MTAP: variants seen among roughly 807,000 people sequenced by gnomAD.
The protein encoded by MTAP is methylthioadenosine phosphorylase, also known as S-methyl-5'-thioadenosine phosphorylase.
MTAP carries 33 observed loss-of-function variants against 33.6 expected under a neutral mutation model. That is an observed-to-expected ratio of 0.98 (90% CI 0.74 to 1.31). The LOEUF is 1.31. MTAP is among the 40% of genes most tolerant of loss of function. The pLI, the probability that MTAP is intolerant of heterozygous loss-of-function variation, is 0.00. For missense variants in MTAP, 367 were observed against 360.0 expected (o/e 1.02, Z -0.16); for synonymous variants, 148 against 125.7 (o/e 1.18, Z -1.19).
intron 1 of MTAP, 98 bp downstream of exon 1, chr9:21,802,879 C>G (rs771735380): frequency 3.3e-6 from 5 of 1,523,736 alleles, no homozygotes; most frequent in African/African-American, 2.8e-5. Context: ...GCGCCCGGCC[C>G]GTGCGTCCCT....
intron 5 of MTAP, among the ~76,000 whole-genome samples, chr9:21,845,780 A>G (rs1825365265): frequency 6.6e-6 from 1 of 152,114 alleles, no homozygotes; most frequent in African/African-American, 2.4e-5. Flanking sequence ...AATTTATGTG[A>G]GACCAAAAAA....
chr9:21,842,684 A>G (rs530111881), intron 5 of MTAP, among the ~76,000 whole-genome samples: 1 of 152,340 alleles, frequency 6.6e-6, no homozygotes, highest in Admixed American at 6.5e-5. Context: ...AAGGAGAGAT[A>G]GTCTTTTTCA....
intron 1 of MTAP, among the ~76,000 whole-genome samples, chr9:21,925,606 C>T (rs1818857170): frequency 6.6e-6 from 1 of 152,230 alleles, no homozygotes; most frequent in Non-Finnish European, 1.5e-5. Flanking sequence ...AGACAAACTG[C>T]CGCAGTGGGA....
In MTAP at chr9:21,874,054, C is replaced by T. The variant is rs978868568; in HGVS notation, c.147+19184C>T. Among the ~76,000 whole-genome samples the T allele has an allele frequency of 2.0e-5, 3 of 152,268 alleles. No individual in the cohort carries two copies. In the South Asian group the frequency reaches 6.2e-4, roughly 32 times the overall value. On this transcript the variant is annotated intron_variant, in intron 1 of 1. Transcript: ENST00000577563. ...AATGTGATGATGTGTTCATTAGCTGCTCTGTTTGACCTCACTTTAGTTTAC... is the reference window on the plus strand; with the variant it reads ...AATGTGATGATGTGTTCATTAGCTGTTCTGTTTGACCTCACTTTAGTTTAC...
chr9:21,891,300 GA>G (rs368451076), intron 1 of MTAP, among the ~76,000 whole-genome samples: 5 of 152,088 alleles, frequency 3.3e-5, no homozygotes, highest in Non-Finnish European at 7.4e-5. Context: ...TGAAATGGCT[GA>G]AATGACAAAC....
intron 1 of MTAP, among the ~76,000 whole-genome samples, chr9:21,884,650 C>T (rs1432190754): frequency 6.6e-6 from 1 of 152,104 alleles, no homozygotes; most frequent in Non-Finnish European, 1.5e-5. Context: ...CTCACATGGC[C>T]GCTAGTGAAC....
intron 5 of MTAP, among the ~76,000 whole-genome samples, chr9:21,853,873 CT>C (rs575632505): frequency 1.9e-4 from 29 of 151,892 alleles, no homozygotes; most frequent in African/African-American, 4.6e-4. Flanking sequence ...GTTGAAAAGA[CT>C]TTTTTTTAAT....
Position 21,854,688 on chromosome 9 carries a change from G to A in MTAP, c.508G>A (p.Val170Ile). Reference protein sequence around the residue: ...GLRCHSKGTMVTIEGPRFSSR... With the variant: ...GLRCHSKGTMITIEGPRFSSR... ...CCGGTGCCACTCAAAGGGGACAATG[G>A]TCACAATCGAGGGACCTCGTTTTAG... The change falls in exon 6 of 8, where the codon GTC (valine) becomes ATC (isoleucine). Residue 170 changes from valine to isoleucine, a missense_variant. Physicochemically the swap from Val to Ile is conservative, Grantham distance 29. Transcript: ENST00000644715. 1 of 1,613,794 alleles carries A rather than the reference G, an allele frequency of 6.2e-7. No individual in the cohort carries two copies. Among genetic ancestry groups the A allele is most frequent in the South Asian group, 1.1e-5 (1 of 91,038 alleles).
rs1438539793 is a variant in MTAP, at chr9:21,816,778, G to C, written c.179+6G>C. ...GATTGCGTCCTCCTTGCAAGGTATGGTATTTTAAGCTTTTTGGATGTTACT... is the reference window on the plus strand; with the variant it reads ...GATTGCGTCCTCCTTGCAAGGTATGCTATTTTAAGCTTTTTGGATGTTACT... On this transcript the variant is annotated splice_donor_region_variant and intron_variant, in intron 3 of 7. Transcript: ENST00000644715. 6.2e-7 allele frequency: 1 copy of C among 1,606,552 alleles called. No homozygotes were observed. The highest frequency in any genetic ancestry group is 8.5e-7 in the Non-Finnish European group (1 of 1,176,672).
chr9:21,842,644 T>C (rs1451754669), intron 5 of MTAP, among the ~76,000 whole-genome samples: 1 of 152,216 alleles, frequency 6.6e-6, no homozygotes, highest in African/African-American at 2.4e-5. Flanking sequence ...CCAAGAATTT[T>C]GTATCCAGTA....
At chr9:21,847,402 G>A (rs1825409816) in intron 5 of MTAP, among the ~76,000 whole-genome samples, 1 of 152,176 alleles carries the variant, frequency 6.6e-6, no homozygotes, top group Admixed American at 6.5e-5. Context: ...GAGGTTTCTG[G>A]AGTTGACTGC....
At chr9:21,890,664 C>G (rs1266405540) in intron 1 of MTAP, among the ~76,000 whole-genome samples, 2 of 152,104 alleles carry the variant, frequency 1.3e-5, no homozygotes, top group African/African-American at 4.8e-5. Flanking sequence ...TTGCTGGGCT[C>G]TCTAAATTCA....
intron 1 of MTAP, 21 bp from the exon 2 acceptor site, chr9:21,815,410 TTC>T: frequency 6.8e-7 from 1 of 1,477,226 alleles, no homozygotes; most frequent in Non-Finnish European, 9.3e-7. Flanking sequence ...TACAATAATC[TTC>T]TCTGTCTTTT....
intron 5 of MTAP, among the ~76,000 whole-genome samples, chr9:21,850,079 A>G (rs1223033442): frequency 1.3e-5 from 2 of 152,212 alleles, no homozygotes; most frequent in African/African-American, 2.4e-5. Flanking sequence ...CTCCCACAAG[A>G]TATCACAATG....
In MTAP at chr9:21,857,739, T is replaced by G. The variant is rs118136736; in HGVS notation, c.691-1564T>G. Among the ~76,000 whole-genome samples, 889 of 152,330 alleles carry G rather than the reference T, an allele frequency of 5.8e-3. 20 individuals are homozygous for G. The highest frequency in any genetic ancestry group is 0.056 in the East Asian group (293 of 5,196). On this transcript the variant is annotated intron_variant, in intron 6 of 7. Transcript: ENST00000644715. ...TCAGGAGGTATCTAACATGAGCACATTATCATTTTCATTCTCCAATAATAA... is the reference window on the plus strand; with the variant it reads ...TCAGGAGGTATCTAACATGAGCACAGTATCATTTTCATTCTCCAATAATAA...
At chr9:21,856,488 C>T (rs1473368215) in intron 6 of MTAP, among the ~76,000 whole-genome samples, 2 of 152,170 alleles carry the variant, frequency 1.3e-5, no homozygotes, top group African/African-American at 4.8e-5. Flanking sequence ...AACTCAGCCT[C>T]GTAATGTCAA....
intron 4 of MTAP, among the ~76,000 whole-genome samples, chr9:21,832,099 T>G (rs528992537): frequency 1.3e-5 from 2 of 152,352 alleles, no homozygotes; most frequent in East Asian, 3.9e-4. Flanking sequence ...CTTCAGATTA[T>G]TTCTTCAACT....
rs1342153156 is a variant in MTAP at position 21,805,895 on chromosome 9, A to G, written c.33+3114A>G. On this transcript the variant is annotated intron_variant, in intron 1 of 7. Coordinates refer to ENST00000644715, the MANE Select transcript of MTAP (RefSeq NM_002451.4). ...ATAGTGAAAATAGGGATAAAGGGTA[A>G]AGATCCAAGTGAAGACCTGAGGAGA... Among the ~76,000 whole-genome samples, 4 of 152,176 alleles carry G rather than the reference A, an allele frequency of 2.6e-5. No individual in the cohort carries two copies. The South Asian group carries it at 6.2e-4, about 24-fold the overall frequency.
At chr9:21,929,548 C>T in intron 1 of MTAP, 1 of 347,182 alleles carries the variant, frequency 2.9e-6, no homozygotes, top group Non-Finnish European at 6.0e-6. Context: ...TCAGCAATTG[C>T]TCCAAAACAC....
Sources: gnomAD v4.1 joint callset for allele counts (sites outside exome capture counted in the v4.1 genomes callset) on GRCh38, gnomAD v4.1.1 for gene constraint, MANE v1.5 for transcripts, NCBI Gene and HGNC (gene_info 2026-07-23, HGNC 2026-07-21) for gene names.